Variants in SLC1A2 observed in about 807,000 individuals in gnomAD.
The protein encoded by SLC1A2 is solute carrier family 1 member 2.
Under a neutral mutation model 48.8 loss-of-function variants are expected in SLC1A2, and 15 were observed. The ratio of observed to expected loss-of-function variants is 0.31; its 90% CI spans 0.21 to 0.47. The LOEUF is 0.47. SLC1A2 is among the 20% of genes least tolerant of loss of function. SLC1A2 has a pLI of 0.99. For synonymous variants in SLC1A2, 279 were observed against 272.6 expected, an observed-to-expected ratio of 1.02 and a Z score of -0.23; for missense variants, 502 against 730.5, an observed-to-expected ratio of 0.69 and a Z score of 3.61.
At chr11:35,325,111 C>G (rs534024484) in intron 1 of SLC1A2, among the ~76,000 whole-genome samples, 1 of 152,334 alleles carries the variant, frequency 6.6e-6, no homozygotes, top group East Asian at 1.9e-4. Context: ...GAGGAAGATT[C>G]ATGTGGCATG....
intron 1 of SLC1A2, among the ~76,000 whole-genome samples, chr11:35,326,453 G>T (rs1852256296): frequency 6.6e-6 from 1 of 152,348 alleles, no homozygotes; most frequent in African/African-American, 2.4e-5. Flanking sequence ...TGACTGGGAT[G>T]TTGACTAAGA....
At chr11:35,397,125 T>A (rs1854988376) in intron 1 of SLC1A2, among the ~76,000 whole-genome samples, 1 of 148,462 alleles carries the variant, frequency 6.7e-6, no homozygotes, top group South Asian at 2.2e-4. Context: ...ACAGATTCAA[T>A]GCCATCCCCA....
At chr11:35,319,127 T>C (rs536749129) in intron 1 of SLC1A2, among the ~76,000 whole-genome samples, 4 of 152,278 alleles carry the variant, frequency 2.6e-5, no homozygotes, top group South Asian at 2.1e-4. Flanking sequence ...CCTCAGACCA[T>C]CTGAAAAAGA....
chr11:35,263,071 AG>A (rs760624158), intron 10 of SLC1A2, among the ~76,000 whole-genome samples: 24 of 152,374 alleles, frequency 1.6e-4, no homozygotes, highest in Admixed American at 9.8e-4. Context: ...GGGTCACAGT[AG>A]TATAACTGGG....
upstream of SLC1A2, among the ~76,000 whole-genome samples, chr11:35,420,318 G>A (rs753080542): frequency 4.6e-5 from 7 of 151,968 alleles, no homozygotes; most frequent in Non-Finnish European, 1.0e-4. Context: ...GCAAGGGAGA[G>A]TTCGAGCCTT....
At chr11:35,287,017 AC>A (rs1424484630) in intron 7 of SLC1A2, 66 bp from the exon 8 acceptor site, 2 of 1,242,740 alleles carry the variant, frequency 1.6e-6, no homozygotes, top group Non-Finnish European at 2.3e-6. Context: ...CAATGCATAA[AC>A]TGGAATGCCA....
Position 35,252,080 on chromosome 11 carries a change from T to G in SLC1A2, c.*8814A>C, listed in dbSNP as rs1169009633. ...GTTGCCCCTCTACAACCGCATAAGC[T>G]GTACACTCACTATTCCTGTGCTTCT... On this transcript the variant is annotated 3_prime_UTR_variant, in exon 11 of 11. Coordinates refer to ENST00000278379, the MANE Select transcript of SLC1A2 (RefSeq NM_004171.4). The G allele has an allele frequency of 6.6e-6, 1 of 152,640 alleles. No individual in the cohort carries two copies. The highest frequency in any genetic ancestry group is 1.5e-5 in the Non-Finnish European group (1 of 68,048). The allele number at this position is 152,640 out of a possible 1,614,324, so 9.5% of individuals were successfully genotyped here.
intron 7 of SLC1A2, among the ~76,000 whole-genome samples, chr11:35,287,267 G>T (rs1215569565): frequency 6.7e-6 from 1 of 149,810 alleles, no homozygotes; most frequent in East Asian, 2.0e-4. Flanking sequence ...GCATCTGATT[G>T]CCCATATTAA....
At chr11:35,375,454 C>T (rs779381860) in intron 1 of SLC1A2, among the ~76,000 whole-genome samples, 19 of 152,304 alleles carry the variant, frequency 1.2e-4, no homozygotes, top group Admixed American at 9.2e-4. Context: ...GTAGAAGAAG[C>T]GGGCCTGGGG....
intron 1 of SLC1A2, among the ~76,000 whole-genome samples, chr11:35,320,962 C>T (rs1852042170): frequency 6.6e-6 from 1 of 152,150 alleles, no homozygotes; most frequent in African/African-American, 2.4e-5. Context: ...CTAATAAAGA[C>T]ATACCCGAGA....
intron 1 of SLC1A2, among the ~76,000 whole-genome samples, chr11:35,395,639 T>G (rs1490410015): frequency 6.6e-6 from 1 of 151,442 alleles, no homozygotes; most frequent in Non-Finnish European, 1.5e-5. Flanking sequence ...GGTGGGCTGC[T>G]ACGGACTGAA....
At chr11:35,391,574 G>A (rs895447058) in intron 1 of SLC1A2, 5 of 152,362 alleles carry the variant, frequency 3.3e-5, no homozygotes, top group African/African-American at 1.2e-4. Flanking sequence ...ACTGTAGCAG[G>A]GAGAACCAAT....
intron 1 of SLC1A2, among the ~76,000 whole-genome samples, chr11:35,385,147 C>A (rs1484975824): frequency 1.3e-5 from 2 of 152,160 alleles, no homozygotes; most frequent in African/African-American, 4.8e-5. Flanking sequence ...AAAATAAAAG[C>A]TTTCCCCTCA....
At chr11:35,403,678 CA>C (rs1308720365) in intron 1 of SLC1A2, among the ~76,000 whole-genome samples, 1 of 152,010 alleles carries the variant, frequency 6.6e-6, no homozygotes, top group East Asian at 1.9e-4. Context: ...TGTTTATGCC[CA>C]AATAATCTAA....
chr11:35,303,464 GT>G (rs1432814285), intron 5 of SLC1A2, among the ~76,000 whole-genome samples: 17 of 152,198 alleles, frequency 1.1e-4, no homozygotes, highest in Non-Finnish European at 1.6e-4. Flanking sequence ...GAGGGAACTA[GT>G]TCCGCAGTAA....
At chr11:35,300,928 A>G (rs1291231350) in intron 6 of SLC1A2, among the ~76,000 whole-genome samples, 2 of 152,162 alleles carry the variant, frequency 1.3e-5, no homozygotes, top group African/African-American at 4.8e-5. Context: ...CTGAGGTGGG[A>G]GGATCACTTG....
At chr11:35,274,324 C>T (rs1850373569) in intron 9 of SLC1A2, among the ~76,000 whole-genome samples, 1 of 152,092 alleles carries the variant, frequency 6.6e-6, no homozygotes, top group South Asian at 2.1e-4. Flanking sequence ...ATTATGCTGC[C>T]TCAAGTCAGA....
At chr11:35,383,153 C>G (rs558777172) in intron 1 of SLC1A2, among the ~76,000 whole-genome samples, 9 of 151,952 alleles carry the variant, frequency 5.9e-5, no homozygotes, top group Non-Finnish European at 8.8e-5. Context: ...AAAGTTATGT[C>G]AAAAAAGAAT....
At chr11:35,325,355 A>G (rs1852205968) in intron 1 of SLC1A2, among the ~76,000 whole-genome samples, 1 of 152,112 alleles carries the variant, frequency 6.6e-6, no homozygotes, top group Non-Finnish European at 1.5e-5. Context: ...CTGTGCTCTC[A>G]AGGCATTTTT....
Sources: gnomAD v4.1 joint callset for allele counts (sites outside exome capture counted in the v4.1 genomes callset) on GRCh38, gnomAD v4.1.1 for gene constraint, MANE v1.5 for transcripts, NCBI Gene and HGNC (gene_info 2026-07-23, HGNC 2026-07-21) for gene names.